DENND2B: variants seen among roughly 807,000 people sequenced by gnomAD.
DENND2B encodes the protein DENN domain containing 2B.
Under a neutral mutation model 116.0 loss-of-function variants are expected in DENND2B, and 32 were observed. That is an observed-to-expected ratio of 0.28 (90% CI 0.21 to 0.37). The LOEUF (loss-of-function observed/expected upper bound fraction) is 0.37. Ranked by LOEUF, DENND2B falls within the 10% of genes least tolerant of loss-of-function variation. DENND2B has a pLI of 1.00. For synonymous variants in DENND2B, 588 were observed against 583.9 expected (o/e 1.01, Z -0.10); for missense variants, 1,276 against 1,477.7 (o/e 0.86, Z 2.24).
intron 4 of DENND2B, among the ~76,000 whole-genome samples, chr11:8,818,054 G>A (rs2061633075): frequency 1.6e-5 from 1 of 64,134 alleles, no homozygotes; most frequent in African/African-American, 4.0e-5. Context: ...TTGAGGTCAG[G>A]AGTTTGAGAC....
intron 1 of DENND2B, among the ~76,000 whole-genome samples, chr11:8,906,635 A>C (rs1275214031): frequency 1.3e-5 from 2 of 152,076 alleles, no homozygotes; most frequent in South Asian, 4.1e-4. Flanking sequence ...CTCTGCAACC[A>C]ATTTTTTTAA....
chr11:8,878,764 A>G (rs891587069), intron 2 of DENND2B, among the ~76,000 whole-genome samples: 1 of 152,210 alleles, frequency 6.6e-6, no homozygotes. Flanking sequence ...GATACATGCA[A>G]TGTGAGTGAG....
At chr11:8,792,288 G>A (rs1490844557) in intron 1 of DENND2B, among the ~76,000 whole-genome samples, 1 of 151,964 alleles carries the variant, frequency 6.6e-6, no homozygotes, top group Non-Finnish European at 1.5e-5. Flanking sequence ...TGTAAAAACT[G>A]GAACCAAGAA....
chr11:8,791,976 G>A (rs535051990), intron 1 of DENND2B, among the ~76,000 whole-genome samples: 9 of 86,500 alleles, frequency 1.0e-4, no homozygotes, highest in African/African-American at 1.7e-4. Flanking sequence ...AGGCCAAGGC[G>A]CGTGGATCAC....
chr11:8,827,418 TCTC>T (rs1302953392), intron 4 of DENND2B, among the ~76,000 whole-genome samples: 1 of 152,152 alleles, frequency 6.6e-6, no homozygotes, highest in Non-Finnish European at 1.5e-5. Context: ...ATTTCACAGT[TCTC>T]CTGAAGGTGA....
intron 2 of DENND2B, among the ~76,000 whole-genome samples, chr11:8,879,751 G>C (rs1158676336): frequency 6.6e-6 from 1 of 152,020 alleles, no homozygotes; most frequent in Non-Finnish European, 1.5e-5. Flanking sequence ...CTGAATCAGA[G>C]TCTCTATGCT....
intron 2 of DENND2B, among the ~76,000 whole-genome samples, chr11:8,739,265 G>A (rs989316010): frequency 4.6e-5 from 7 of 152,042 alleles, no homozygotes; most frequent in African/African-American, 1.4e-4. Context: ...GCCCAGTATC[G>A]CCGTCAGCCC....
intron 2 of DENND2B, among the ~76,000 whole-genome samples, chr11:8,862,540 G>A (rs1472514155): frequency 6.6e-6 from 1 of 151,898 alleles, no homozygotes; most frequent in Non-Finnish European, 1.5e-5. Flanking sequence ...TTACCATGTT[G>A]CCCAGGCTGG....
At chr11:8,718,447 G>A in intron 4 of DENND2B, 1 of 1,517,036 alleles carries the variant, frequency 6.6e-7, no homozygotes, top group Non-Finnish European at 8.8e-7. Context: ...CGTTCAACAA[G>A]TCTTTTAGGG....
intron 1 of DENND2B, among the ~76,000 whole-genome samples, chr11:8,755,053 C>A (rs959691238): frequency 5.3e-5 from 8 of 152,184 alleles, no homozygotes; most frequent in African/African-American, 1.9e-4. Flanking sequence ...AACTTAAGAG[C>A]TAAATAAATC....
chr11:8,820,042 A>G (rs980909107), intron 4 of DENND2B, among the ~76,000 whole-genome samples: 1 of 152,248 alleles, frequency 6.6e-6, no homozygotes, highest in Non-Finnish European at 1.5e-5. Flanking sequence ...TATACAATAC[A>G]TGGTTACAGG....
At chr11:8,751,327 T>C (rs944951066) in intron 1 of DENND2B, among the ~76,000 whole-genome samples, 1 of 152,000 alleles carries the variant, frequency 6.6e-6, no homozygotes, top group African/African-American at 2.4e-5. Context: ...ACCAATCGAC[T>C]CTCCGTAAAA....
intron 1 of DENND2B, among the ~76,000 whole-genome samples, chr11:8,884,790 T>C (rs2063942900): frequency 6.6e-6 from 1 of 152,196 alleles, no homozygotes. Context: ...AGACCTACTC[T>C]GCAAGCTATG....
intron 1 of DENND2B, among the ~76,000 whole-genome samples, chr11:8,756,262 A>G (rs1232289106): frequency 6.6e-6 from 1 of 152,240 alleles, no homozygotes. Flanking sequence ...TCAGGAGGGT[A>G]GACTCACTGC....
rs190989710 is a variant in DENND2B at position 8,886,989 on chromosome 11, C to A, written c.-255-5880G>T. The stretch of plus-strand genomic sequence containing the variant: ...GACTACAGGCATGTGCCACCACACC[C>A]GGCTAATTTTGTATTTTTAGTAGAG... On this transcript the variant is annotated intron_variant, in intron 1 of 22. Transcript: ENST00000534127. 2.5e-3 allele frequency among the ~76,000 whole-genome samples: 376 copies of A among 152,152 alleles called. 1 individual carries two copies. The highest frequency in any genetic ancestry group is 7.9e-3 in the African/African-American group (326 of 41,520).
intron 1 of DENND2B, among the ~76,000 whole-genome samples, chr11:8,796,989 C>T (rs1013215016): frequency 6.6e-6 from 1 of 152,020 alleles, no homozygotes; most frequent in East Asian, 1.9e-4. Context: ...CAAAATGTGA[C>T]CATAAATAAC....
chr11:8,837,335 T>G (rs2062468205), intron 4 of DENND2B, among the ~76,000 whole-genome samples: 1 of 150,376 alleles, frequency 6.6e-6, no homozygotes, highest in Non-Finnish European at 1.5e-5. Context: ...AGAGGACACC[T>G]ACTCAGTTGT....
intron 4 of DENND2B, chr11:8,718,148 T>C: frequency 5.5e-6 from 1 of 182,678 alleles, no homozygotes. Context: ...GCCTGGCCTC[T>C]GCTTTATAAA....
chr11:8,814,798 T>TA (rs1326571599), upstream of DENND2B, among the ~76,000 whole-genome samples: 5 of 152,226 alleles, frequency 3.3e-5, no homozygotes, highest in Non-Finnish European at 5.9e-5. Flanking sequence ...ACTCAATAAA[T>TA]ATCTGCTGAA....
Sources: gnomAD v4.1 joint callset for allele counts (sites outside exome capture counted in the v4.1 genomes callset) on GRCh38, gnomAD v4.1.1 for gene constraint, MANE v1.5 for transcripts, NCBI Gene and HGNC (gene_info 2026-07-23, HGNC 2026-07-21) for gene names.